ZBTB20: variants seen among roughly 807,000 people sequenced by gnomAD.
The protein encoded by ZBTB20 is zinc finger and BTB domain-containing protein 20.
In ZBTB20, 9 loss-of-function variants were observed where a neutral mutation model predicts 56.9. The ratio of observed to expected loss-of-function variants is 0.16; its 90% CI spans 0.10 to 0.28. The LOEUF (loss-of-function observed/expected upper bound fraction) is 0.28. Ranked by LOEUF, ZBTB20 falls within the 10% of genes least tolerant of loss-of-function variation. The probability of loss-of-function intolerance (pLI) is 1.00; values close to 1 mark genes in which losing one functional copy is unlikely to be tolerated. For synonymous variants in ZBTB20, 417 were observed against 420.7 expected, an observed-to-expected ratio of 0.99 and a Z score of 0.11; for missense variants, 655 against 1,003.0, an observed-to-expected ratio of 0.65 and a Z score of 4.69.
intron 7 of ZBTB20, among the ~76,000 whole-genome samples, chr3:114,433,835 G>A (rs931897077): frequency 6.6e-6 from 1 of 152,092 alleles, no homozygotes; most frequent in Non-Finnish European, 1.5e-5. Flanking sequence ...CCCCTCCATA[G>A]ACATACTGAA....
chr3:114,696,123 A>G (rs75951582), intron 5 of ZBTB20, among the ~76,000 whole-genome samples: 1,948 of 152,224 alleles, frequency 0.013, 44 homozygotes, highest in African/African-American at 0.044. Flanking sequence ...CCCAGTTGTT[A>G]AAACAGAGAA....
intron 7 of ZBTB20, among the ~76,000 whole-genome samples, chr3:114,406,429 G>A (rs1334685577): frequency 6.6e-6 from 1 of 151,988 alleles, no homozygotes; most frequent in Non-Finnish European, 1.5e-5. Flanking sequence ...TTTACCATCT[G>A]GTCTCAAGAA....
intron 6 of ZBTB20, among the ~76,000 whole-genome samples, chr3:114,621,109 C>G (rs1381814936): frequency 6.6e-6 from 1 of 152,062 alleles, no homozygotes; most frequent in Non-Finnish European, 1.5e-5. Flanking sequence ...TAATTTCTTT[C>G]TACTTAATTT....
chr3:115,130,968 T>C (rs919580658), intron 1 of ZBTB20, among the ~76,000 whole-genome samples: 14 of 152,082 alleles, frequency 9.2e-5, no homozygotes, highest in African/African-American at 3.1e-4. Flanking sequence ...TCCATGTTGC[T>C]CAGGCTGGTC....
At chr3:114,816,813 A>C (rs1032727) in intron 4 of ZBTB20, among the ~76,000 whole-genome samples, 1 of 152,016 alleles carries the variant, frequency 6.6e-6, no homozygotes, top group Non-Finnish European at 1.5e-5. Flanking sequence ...TCAGAAAGCA[A>C]TGATTTCAGT....
intron 5 of ZBTB20, among the ~76,000 whole-genome samples, chr3:114,739,663 T>G (rs1236483002): frequency 6.6e-6 from 1 of 152,248 alleles, no homozygotes. Flanking sequence ...AAAACAATTT[T>G]AGATCTTAAT....
intron 4 of ZBTB20, among the ~76,000 whole-genome samples, chr3:114,844,225 T>C (rs2074535153): frequency 6.6e-6 from 1 of 151,146 alleles, no homozygotes; most frequent in African/African-American, 2.4e-5. Flanking sequence ...CAGAAGATTC[T>C]ATTTTTATAA....
At chr3:114,428,602 A>C (rs1696234600) in intron 7 of ZBTB20, among the ~76,000 whole-genome samples, 1 of 152,238 alleles carries the variant, frequency 6.6e-6, no homozygotes, top group African/African-American at 2.4e-5. Context: ...TAAGTAAAGA[A>C]ATGAAAAGAC....
chr3:114,384,657 G>A (rs1007125770), intron 8 of ZBTB20, among the ~76,000 whole-genome samples: 2 of 152,240 alleles, frequency 1.3e-5, no homozygotes, highest in East Asian at 1.9e-4. Flanking sequence ...GGAGACTGGC[G>A]GCCGAGTTAG....
chr3:114,414,123 G>A (rs1247135463), intron 7 of ZBTB20, among the ~76,000 whole-genome samples: 1 of 152,042 alleles, frequency 6.6e-6, no homozygotes, highest in Non-Finnish European at 1.5e-5. Flanking sequence ...ATCACGAGGA[G>A]GTAAAAGGCA....
At chr3:114,965,749 G>C (rs1422398968) in intron 3 of ZBTB20, among the ~76,000 whole-genome samples, 1 of 152,050 alleles carries the variant, frequency 6.6e-6, no homozygotes, top group Non-Finnish European at 1.5e-5. Context: ...GCATTTCTCC[G>C]ATGATTAGTG....
intron 3 of ZBTB20, among the ~76,000 whole-genome samples, chr3:114,936,416 T>C (rs1249473406): frequency 1.3e-5 from 2 of 152,204 alleles, no homozygotes; most frequent in African/African-American, 4.8e-5. Flanking sequence ...GGTTTTAGTT[T>C]AGCCTGAGTA....
intron 6 of ZBTB20, among the ~76,000 whole-genome samples, chr3:114,519,413 T>G (rs2046387237): frequency 6.6e-6 from 1 of 152,212 alleles, no homozygotes; most frequent in Admixed American, 6.5e-5. Context: ...GCTTTATTCA[T>G]GATAAATAAG....
intron 5 of ZBTB20, among the ~76,000 whole-genome samples, chr3:114,707,997 G>A (rs559021481): frequency 7.9e-5 from 12 of 152,134 alleles, no homozygotes; most frequent in African/African-American, 2.2e-4. Context: ...TCTCCTCCAC[G>A]TTCAGTTCAA....
chr3:114,440,236 A>C (rs1226178984), intron 7 of ZBTB20, among the ~76,000 whole-genome samples: 1 of 152,150 alleles, frequency 6.6e-6, no homozygotes, highest in East Asian at 1.9e-4. Flanking sequence ...AATCAGCCTT[A>C]GCAATACTGC....
chr3:115,034,972 C>CT (rs1377828106), intron 2 of ZBTB20, among the ~76,000 whole-genome samples: 1 of 151,986 alleles, frequency 6.6e-6, no homozygotes, highest in African/African-American at 2.4e-5. Context: ...AACAGACAGT[C>CT]TTTTCAATAA....
intron 1 of ZBTB20, among the ~76,000 whole-genome samples, chr3:115,112,377 C>T (rs2083903299): frequency 6.6e-6 from 1 of 151,954 alleles, no homozygotes. Flanking sequence ...TAACTACAGT[C>T]ACCCTACTCT....
intron 6 of ZBTB20, among the ~76,000 whole-genome samples, chr3:114,650,664 T>G (rs2107994152): frequency 6.6e-6 from 1 of 152,100 alleles, no homozygotes; most frequent in South Asian, 2.1e-4. Context: ...GTTGCTATTT[T>G]CATGGTCATT....
chr3:114,816,256 A>G (rs972705425), intron 4 of ZBTB20, among the ~76,000 whole-genome samples: 1 of 152,234 alleles, frequency 6.6e-6, no homozygotes, highest in Non-Finnish European at 1.5e-5. Context: ...TTGATATAGT[A>G]ATAAGCTGGG....
Sources: gnomAD v4.1 joint callset for allele counts (sites outside exome capture counted in the v4.1 genomes callset) on GRCh38, gnomAD v4.1.1 for gene constraint, MANE v1.5 for transcripts, NCBI Gene and HGNC (gene_info 2026-07-23, HGNC 2026-07-21) for gene names.